The following FAM24B variants were observed in gnomAD, a reference collection of about 807,000 sequenced individuals.
The protein encoded by FAM24B is family with sequence similarity 24 member B.
Under a neutral mutation model 2.3 loss-of-function variants are expected in FAM24B, and 3 were observed. That is an observed-to-expected ratio of 1.29 (90% CI 0.59 to 3.32). FAM24B has a LOEUF of 3.32. Ranked by LOEUF, FAM24B falls within the 30% of genes most tolerant of loss-of-function variation. The pLI is 0.03. For missense variants in FAM24B, 98 were observed against 117.2 expected (o/e 0.84, Z 0.76); for synonymous variants, 36 against 46.3 (o/e 0.78, Z 0.90).
chr10:122,859,763 A>G (rs1441982770), intron 1 of FAM24B, among the ~76,000 whole-genome samples: 3 of 152,206 alleles, frequency 2.0e-5, no homozygotes, highest in Non-Finnish European at 4.4e-5. Context: ...ACTATGAAGC[A>G]GCTGCAATAA....
chr10:122,854,049 A>G (rs1847592868), intron 2 of FAM24B, among the ~76,000 whole-genome samples: 1 of 152,196 alleles, frequency 6.6e-6, no homozygotes, highest in South Asian at 2.1e-4. Context: ...GTGCTGGCAC[A>G]TGTTATGATC....
chr10:122,879,278 C>A (rs893993665), intron 1 of FAM24B, among the ~76,000 whole-genome samples: 2 of 152,256 alleles, frequency 1.3e-5, no homozygotes, highest in African/African-American at 4.8e-5. Context: ...ACCTCAACTC[C>A]CCTCTAACGC....
intron 1 of FAM24B, among the ~76,000 whole-genome samples, chr10:122,861,461 T>C (rs1344950295): frequency 6.6e-6 from 1 of 152,234 alleles, no homozygotes; most frequent in African/African-American, 2.4e-5. Context: ...TGCCTCTTTG[T>C]ATACATTTTA....
chr10:122,879,256 C>T (rs1323705013), intron 1 of FAM24B, among the ~76,000 whole-genome samples: 1 of 152,238 alleles, frequency 6.6e-6, no homozygotes, highest in African/African-American at 2.4e-5. Context: ...CCACTAACGC[C>T]GTTCAATATC....
chr10:122,868,238 G>T (rs1026140073), intron 1 of FAM24B, among the ~76,000 whole-genome samples: 3 of 152,120 alleles, frequency 2.0e-5, no homozygotes, highest in African/African-American at 7.2e-5. Context: ...AGAGAAAAAA[G>T]AATAAAAAGA....
At chr10:122,858,613 C>G (rs1332560982) in intron 1 of FAM24B, among the ~76,000 whole-genome samples, 1 of 152,040 alleles carries the variant, frequency 6.6e-6, no homozygotes, top group Non-Finnish European at 1.5e-5. Flanking sequence ...CACCTGTGCC[C>G]ACAGCAGGAG....
chr10:122,874,790 G>A (rs1847953061), intron 1 of FAM24B, among the ~76,000 whole-genome samples: 1 of 152,140 alleles, frequency 6.6e-6, no homozygotes, highest in Non-Finnish European at 1.5e-5. Context: ...ACACAAATTT[G>A]TAAACTTTCT....
chr10:122,858,066 G>T (rs1024096597), intron 1 of FAM24B, among the ~76,000 whole-genome samples: 62 of 152,194 alleles, frequency 4.1e-4, no homozygotes, highest in African/African-American at 1.1e-3. Flanking sequence ...TATACCCAAA[G>T]GATTATAAAT....
intron 1 of FAM24B, among the ~76,000 whole-genome samples, chr10:122,866,114 C>T (rs1366192395): frequency 6.6e-6 from 1 of 152,012 alleles, no homozygotes; most frequent in East Asian, 1.9e-4. Context: ...GTTGGCCAGG[C>T]TGGTCTCTAA....
chr10:122,849,131 AAAC>A lies in FAM24B; in HGVS notation c.*113_*115del, dbSNP rs1442521332. ...GTGTACATTTATTCAAAAGTATATAAAACAACACTGTAAATTATATAATCTCAC... is the reference window on the plus strand; with the variant it reads ...GTGTACATTTATTCAAAAGTATATAAAACACTGTAAATTATATAATCTCAC... On this transcript the variant is annotated 3_prime_UTR_variant, in exon 4 of 4. Coordinates refer to ENST00000368898, the MANE Select transcript of FAM24B (RefSeq NM_152644.3). 13 of 746,376 alleles carry A rather than the reference AAAC, an allele frequency of 1.7e-5. No homozygotes were observed. The highest frequency in any genetic ancestry group is 2.4e-5 in the Non-Finnish European group (12 of 500,866). The allele number at this position is 746,376 out of a possible 1,614,324, so 46.2% of individuals were successfully genotyped here.
intron 1 of FAM24B, among the ~76,000 whole-genome samples, chr10:122,867,157 T>A (rs1394553172): frequency 6.6e-6 from 1 of 152,166 alleles, no homozygotes; most frequent in African/African-American, 2.4e-5. Flanking sequence ...TCCAGAGCAA[T>A]GCCCTAACTC....
chr10:122,879,170 G>C (rs1314490894), intron 1 of FAM24B, among the ~76,000 whole-genome samples: 1 of 152,222 alleles, frequency 6.6e-6, no homozygotes, highest in Non-Finnish European at 1.5e-5. Context: ...ATCCAGCATA[G>C]TCCTGGCAAC....
intron 1 of FAM24B, among the ~76,000 whole-genome samples, chr10:122,870,110 A>G (rs544879118): frequency 2.9e-4 from 44 of 152,336 alleles, no homozygotes; most frequent in Admixed American, 9.2e-4. Flanking sequence ...GGATATCACC[A>G]CTGATCCCAC....
At chr10:122,850,264 A>C (rs886402465) in intron 3 of FAM24B, among the ~76,000 whole-genome samples, 160 bp downstream of exon 3, 3 of 152,136 alleles carry the variant, frequency 2.0e-5, no homozygotes, top group Non-Finnish European at 4.4e-5. Flanking sequence ...TGCTTTTACA[A>C]AGCTGCCTGT....
At chr10:122,875,290 T>C (rs2062626900) in intron 1 of FAM24B, among the ~76,000 whole-genome samples, 3 of 152,346 alleles carry the variant, frequency 2.0e-5, no homozygotes, top group Admixed American at 2.0e-4. Flanking sequence ...CCTTAGAGTT[T>C]CCATATCTCT....
chr10:122,862,092 T>C (rs1847732866), intron 1 of FAM24B, among the ~76,000 whole-genome samples: 1 of 152,224 alleles, frequency 6.6e-6, no homozygotes, highest in Non-Finnish European at 1.5e-5. Flanking sequence ...CCCTTGTCTG[T>C]TTCTTTGCCT....
chr10:122,854,953 T>C (rs74946014), intron 2 of FAM24B, among the ~76,000 whole-genome samples: 2,270 of 152,302 alleles, frequency 0.015, 54 homozygotes, highest in African/African-American at 0.046. Context: ...GATCCAAAAC[T>C]ACATAAGCCT....
rs1167340622 is a variant in FAM24B, at chr10:122,849,305, A to G, written c.227T>C (p.Met76Thr). The change falls in exon 4 of 4, where the codon ATG (methionine) becomes ACG (threonine). Residue 76 changes from methionine to threonine, a missense_variant. Transcript: ENST00000368898. The part of the protein sequence containing the change: ...PALQCCEGYR[M>T]CASFDSLPPC... ...TGGCAGGGAATCAAAACTGGCACAC[A>G]TTCTATATCCTTCACAGCACTGCAG... 3.7e-6 allele frequency: 6 copies of G among 1,600,392 alleles called. No homozygotes were observed. Among genetic ancestry groups the G allele is most frequent in the Non-Finnish European group, 4.3e-6 (5 of 1,172,700 alleles).
intron 1 of FAM24B, among the ~76,000 whole-genome samples, chr10:122,874,359 C>G (rs1847945569): frequency 6.6e-6 from 1 of 152,128 alleles, no homozygotes; most frequent in Non-Finnish European, 1.5e-5. Context: ...TGATGCTCTT[C>G]CTTTATATAG....
Sources: gnomAD v4.1 joint callset for allele counts (sites outside exome capture counted in the v4.1 genomes callset) on GRCh38, gnomAD v4.1.1 for gene constraint, MANE v1.5 for transcripts, NCBI Gene and HGNC (gene_info 2026-07-23, HGNC 2026-07-21) for gene names.